The following DNER variants were observed in gnomAD, a reference collection of about 807,000 sequenced individuals.
DNER encodes the protein delta/notch like EGF repeat containing.
DNER carries 33 observed loss-of-function variants against 78.2 expected under a neutral mutation model. The ratio of observed to expected loss-of-function variants is 0.42; its 90% CI spans 0.32 to 0.56. The LOEUF (loss-of-function observed/expected upper bound fraction) is 0.56. Among genes scored for constraint, DNER ranks in the 20% least tolerant of loss-of-function variants. The pLI is 0.11. For missense variants in DNER, 918 were observed against 975.3 expected (o/e 0.94, Z 0.78); for synonymous variants, 417 against 384.8 (o/e 1.08, Z -0.98).
At chr2:229,365,539 C>T (rs1444521981) in intron 12 of DNER, among the ~76,000 whole-genome samples, 3 of 152,262 alleles carry the variant, frequency 2.0e-5, no homozygotes, top group East Asian at 1.9e-4. Context: ...CAGGTTCAAG[C>T]GATTCTCCTT....
At chr2:229,567,828 G>A (rs1046769935) in intron 4 of DNER, among the ~76,000 whole-genome samples, 6 of 152,174 alleles carry the variant, frequency 3.9e-5, no homozygotes, top group African/African-American at 1.4e-4. Context: ...GCTGAAAAGA[G>A]TCTCCCTTAT....
In DNER at chr2:229,388,318, T is replaced by C. The variant is rs144906958; in HGVS notation, c.1802A>G (p.Asn601Ser). ...ATGCGGGCAGTGGCAGTTATAACCATTGGGCTGGTCCAGGCAGCTCCCACC... is the reference window on the plus strand; with the variant it reads ...ATGCGGGCAGTGGCAGTTATAACCACTGGGCTGGTCCAGGCAGCTCCCACC... ...HHGGSCLDQP[N>S]GYNCHCPHGW... The change falls in exon 11 of 13, where the codon AAT (asparagine) becomes AGT (serine). Residue 601 changes from asparagine (N) to serine (S), a missense_variant. By Grantham distance (46) the Asn-to-Ser change is conservative (BLOSUM62 1). Transcript: ENST00000341772. 9.3e-6 allele frequency: 15 copies of C among 1,611,602 alleles called. No homozygotes were observed. The highest frequency in any genetic ancestry group is 7.7e-5 in the South Asian group (7 of 90,802).
At chr2:229,503,592 C>T (rs983123305) in intron 6 of DNER, among the ~76,000 whole-genome samples, 14 of 152,166 alleles carry the variant, frequency 9.2e-5, no homozygotes, top group African/African-American at 2.7e-4. Context: ...GCTTTTGGAA[C>T]CCAATGAGAT....
intron 7 of DNER, among the ~76,000 whole-genome samples, chr2:229,460,079 C>A (rs1463641215): frequency 7.0e-6 from 1 of 142,878 alleles, no homozygotes; most frequent in Non-Finnish European, 1.5e-5. Flanking sequence ...ATGGCGTGAA[C>A]CTGGGAGGCG....
chr2:229,568,534 T>C (rs1697155369), intron 4 of DNER, among the ~76,000 whole-genome samples: 1 of 152,232 alleles, frequency 6.6e-6, no homozygotes, highest in Non-Finnish European at 1.5e-5. Flanking sequence ...ATCGCACTAA[T>C]AGAAAATAAT....
At chr2:229,503,986 T>C (rs1695681104) in intron 6 of DNER, among the ~76,000 whole-genome samples, 1 of 152,100 alleles carries the variant, frequency 6.6e-6, no homozygotes, top group Non-Finnish European at 1.5e-5. Context: ...TCAAGTGATC[T>C]GCCCACCTTG....
intron 7 of DNER, among the ~76,000 whole-genome samples, chr2:229,467,654 A>G (rs1694832418): frequency 6.6e-6 from 1 of 152,224 alleles, no homozygotes; most frequent in African/African-American, 2.4e-5. Context: ...GTGAGGAGAT[A>G]ATTCTGCTAC....
intron 1 of DNER, among the ~76,000 whole-genome samples, chr2:229,711,580 C>T (rs1315945107): frequency 3.3e-5 from 5 of 152,154 alleles, no homozygotes; most frequent in East Asian, 3.8e-4. Flanking sequence ...AATCCTAATT[C>T]GTAGTTTATG....
chr2:229,610,405 C>T (rs907169975), intron 1 of DNER, among the ~76,000 whole-genome samples: 3 of 152,200 alleles, frequency 2.0e-5, no homozygotes, highest in Non-Finnish European at 4.4e-5. Flanking sequence ...ACATTCTTAA[C>T]TGAGACCCGC....
rs546774715 is a variant in DNER, at chr2:229,360,664, G to A, written c.2103-2013C>T. ...CCTGACCTCGTGATCCACCCGCCTC[G>A]GCCTCCCAAAGTGCTGAGATTACAG... is the stretch of plus-strand genomic sequence containing the variant. On this transcript the variant is annotated intron_variant, in intron 12 of 12. Transcript: ENST00000341772. 7.9e-5 allele frequency among the ~76,000 whole-genome samples: 12 copies of A among 152,170 alleles called. No individual in the cohort carries two copies. The East Asian group carries it at 1.6e-3, about 20-fold the overall frequency.
intron 7 of DNER, among the ~76,000 whole-genome samples, chr2:229,452,543 A>G (rs1004872257): frequency 6.6e-6 from 1 of 152,174 alleles, no homozygotes; most frequent in Non-Finnish European, 1.5e-5. Flanking sequence ...ACATGGGGCC[A>G]GGTACCATAT....
chr2:229,709,995 C>T (rs535696170), intron 1 of DNER, among the ~76,000 whole-genome samples: 12 of 152,274 alleles, frequency 7.9e-5, no homozygotes, highest in East Asian at 1.9e-4. Context: ...CAAGCAAGAG[C>T]GGCCTCAATT....
chr2:229,507,669 G>A (rs1464163130), intron 6 of DNER, among the ~76,000 whole-genome samples: 5 of 151,890 alleles, frequency 3.3e-5, no homozygotes, highest in Admixed American at 2.0e-4. Context: ...TTATAGAAAT[G>A]GTGTATTTCT....
chr2:229,652,001 G>A (rs770004717), intron 1 of DNER, among the ~76,000 whole-genome samples: 66 of 152,250 alleles, frequency 4.3e-4, no homozygotes, highest in Non-Finnish European at 7.1e-4. Flanking sequence ...AGGAAAAATG[G>A]CAGGCATTTG....
intron 1 of DNER, among the ~76,000 whole-genome samples, chr2:229,668,573 T>C (rs10185180): frequency 0.029 from 2,598 of 91,054 alleles, 35 homozygotes; most frequent in African/African-American, 0.066. Context: ...TATATATATA[T>C]ATATATAAAA....
chr2:229,660,457 C>A (rs1698990038), intron 1 of DNER, among the ~76,000 whole-genome samples: 1 of 152,092 alleles, frequency 6.6e-6, no homozygotes, highest in Non-Finnish European at 1.5e-5. Context: ...TGATCTCATT[C>A]TTTTTTGTGG....
chr2:229,390,277 A>T (rs999629984), intron 10 of DNER, among the ~76,000 whole-genome samples: 1 of 152,240 alleles, frequency 6.6e-6, no homozygotes, highest in Admixed American at 6.5e-5. Flanking sequence ...CCCTACTGCT[A>T]TGGTCTGGCA....
chr2:229,645,469 G>A (rs1455555219), intron 1 of DNER, among the ~76,000 whole-genome samples: 2 of 152,162 alleles, frequency 1.3e-5, no homozygotes, highest in Non-Finnish European at 2.9e-5. Context: ...AAGTTCTTAT[G>A]AGCCCTAGAA....
intron 1 of DNER, among the ~76,000 whole-genome samples, chr2:229,649,078 T>G (rs938804760): frequency 6.6e-6 from 1 of 152,144 alleles, no homozygotes; most frequent in East Asian, 1.9e-4. Flanking sequence ...TTCTTTCCAG[T>G]AACAGAGACG....
Sources: gnomAD v4.1 joint callset for allele counts (sites outside exome capture counted in the v4.1 genomes callset) on GRCh38, gnomAD v4.1.1 for gene constraint, MANE v1.5 for transcripts, NCBI Gene and HGNC (gene_info 2026-07-23, HGNC 2026-07-21) for gene names.